The following RCOR3 variants were observed in gnomAD, a reference collection of about 807,000 sequenced individuals.
The protein encoded by RCOR3 is REST corepressor 3.
RCOR3 carries 13 observed loss-of-function variants against 64.1 expected under a neutral mutation model. That is an observed-to-expected ratio of 0.20 (90% confidence interval 0.13 to 0.32). The LOEUF is 0.32. Ranked by LOEUF, RCOR3 falls within the 10% of genes least tolerant of loss-of-function variation. The pLI is 1.00. For synonymous variants in RCOR3, 215 were observed against 239.0 expected, an observed-to-expected ratio of 0.90 and a Z score of 0.93; for missense variants, 489 against 701.2, an observed-to-expected ratio of 0.70 and a Z score of 3.42.
At chr1:211,282,919 C>T (rs1229276269) in intron 7 of RCOR3, among the ~76,000 whole-genome samples, 2 of 152,106 alleles carry the variant, frequency 1.3e-5, no homozygotes, top group African/African-American at 4.8e-5. Flanking sequence ...ATATGATTAT[C>T]ATTTAGTTTC....
intron 7 of RCOR3, among the ~76,000 whole-genome samples, chr1:211,282,620 T>C (rs1187015191): frequency 1.3e-5 from 2 of 151,444 alleles, no homozygotes; most frequent in Non-Finnish European, 2.9e-5. Flanking sequence ...TGCCTCAGCC[T>C]CCCGAGTAGC....
chr1:211,281,849 T>G (rs1187312533), intron 7 of RCOR3, among the ~76,000 whole-genome samples: 2 of 152,166 alleles, frequency 1.3e-5, no homozygotes, highest in Non-Finnish European at 2.9e-5. Context: ...GAGTGGTACT[T>G]GTTTACTCAT....
intron 1 of RCOR3, 48 bp downstream of exon 1, chr1:211,259,774 C>G (rs1693850514): frequency 7.4e-7 from 1 of 1,356,740 alleles, no homozygotes; most frequent in Non-Finnish European, 9.7e-7. Context: ...CCCCCTCCCT[C>G]TTCCCCTCCC....
chr1:211,306,614 A>G (rs1036583197), intron 10 of RCOR3, among the ~76,000 whole-genome samples: 2 of 152,132 alleles, frequency 1.3e-5, no homozygotes, highest in African/African-American at 4.8e-5. Context: ...TTTACTATTA[A>G]ATAAGCTTTT....
chr1:211,302,256 A>G (rs1700454501), intron 9 of RCOR3: 1 of 152,232 alleles, frequency 6.6e-6, no homozygotes, highest in South Asian at 2.1e-4. Context: ...AACACAAACC[A>G]AAATGAAATT....
chr1:211,290,845 A>G (rs190392988), intron 8 of RCOR3, among the ~76,000 whole-genome samples: 2 of 152,300 alleles, frequency 1.3e-5, no homozygotes, highest in Admixed American at 1.3e-4. Flanking sequence ...TTATAAGAAA[A>G]TCATGTTAAG....
At chr1:211,263,581 G>A (rs1694725159) in intron 2 of RCOR3, among the ~76,000 whole-genome samples, 1 of 152,122 alleles carries the variant, frequency 6.6e-6, no homozygotes, top group South Asian at 2.1e-4. Context: ...TTTAAACTTA[G>A]GAGGGCTTTT....
rs745823254 is a variant in RCOR3 at position 211,313,418 on chromosome 1, C to T, written c.1318-6C>T. The T allele has an allele frequency of 6.2e-7, 1 of 1,611,514 alleles. No homozygotes were observed. The highest frequency in any genetic ancestry group is 8.5e-7 in the Non-Finnish European group (1 of 1,178,316). On this transcript the variant is annotated splice_region_variant and splice_polypyrimidine_tract_variant and intron_variant, in intron 11 of 11. Transcript: ENST00000419091. This position sits in a 1 kb window ranked among gnomAD's most constrained non-coding sequence, Gnocchi z 4.7. ...CATACGTGTATTTTTGTTTCCTCAC[C>T]TCTAGGCACAGACCCCACAGGCTCC...
chr1:211,260,239 C>A, intron 2 of RCOR3, 75 bp downstream of exon 2: 1 of 1,306,576 alleles, frequency 7.7e-7, no homozygotes, highest in Admixed American at 1.8e-5. Context: ...GCTAGGAGTC[C>A]GGGCATGGGG....
intron 9 of RCOR3, among the ~76,000 whole-genome samples, chr1:211,299,555 G>A (rs928238212): frequency 3.3e-5 from 5 of 152,078 alleles, no homozygotes; most frequent in African/African-American, 1.2e-4. Flanking sequence ...ATTTAATTTG[G>A]TGACATTTTC....
chr1:211,280,239 C>T (rs550773931), intron 7 of RCOR3, among the ~76,000 whole-genome samples: 2 of 152,322 alleles, frequency 1.3e-5, no homozygotes, highest in South Asian at 4.2e-4. Flanking sequence ...ATAACTTCAT[C>T]CATGTCACAG....
intron 7 of RCOR3, 142 bp downstream of exon 7, chr1:211,279,458 T>C: frequency 1.8e-6 from 1 of 544,858 alleles, no homozygotes; most frequent in East Asian, 3.2e-5. Context: ...AATACAGTCA[T>C]ACCTAGAACC....
intron 3 of RCOR3, among the ~76,000 whole-genome samples, chr1:211,273,791 A>G (rs1468184140): frequency 6.6e-6 from 1 of 152,212 alleles, no homozygotes; most frequent in Non-Finnish European, 1.5e-5. Context: ...TCAATCAAAA[A>G]TGGAATGGTA....
chr1:211,272,528 A>AT (rs888456402), intron 3 of RCOR3, among the ~76,000 whole-genome samples: 22 of 134,228 alleles, frequency 1.6e-4, no homozygotes, highest in Admixed American at 4.6e-4. Context: ...CACTTGGGGA[A>AT]TTTTTTTTTT....
rs764326247 is a variant in RCOR3 at position 211,304,106 on chromosome 1, T to A, written c.1041T>A (p.Arg347=). The change falls in exon 10 of 12, where the codon CGT becomes CGA. Residue 347 remains arginine, a synonymous_variant. Coordinates refer to ENST00000419091, the MANE Select transcript of RCOR3 (RefSeq NM_001136223.3). ...PPESNQKINA[R]WTTEEQLLAV... ...AGTCAAATCAGAAAATTAATGCCCGTTGGACCACAGAGGAGCAGCTTCTAG... is the reference window on the plus strand; with the variant it reads ...AGTCAAATCAGAAAATTAATGCCCGATGGACCACAGAGGAGCAGCTTCTAG... 1.6e-5 allele frequency: 25 copies of A among 1,606,544 alleles called. No individual in the cohort carries two copies. In the East Asian group the frequency reaches 1.8e-4, roughly 12 times the overall value.
chr1:211,297,452 C>T (rs905776222), intron 9 of RCOR3, among the ~76,000 whole-genome samples: 2 of 152,082 alleles, frequency 1.3e-5, no homozygotes, highest in Admixed American at 1.3e-4. Flanking sequence ...CCTGATTGGA[C>T]TTCTATATTA....
chr1:211,310,256 A>G (rs987254717), intron 10 of RCOR3, among the ~76,000 whole-genome samples: 4 of 152,184 alleles, frequency 2.6e-5, no homozygotes, highest in African/African-American at 4.8e-5. Flanking sequence ...TCTTGTCCAA[A>G]TGAGACTGCC....
chr1:211,264,277 G>C (rs575514312), intron 2 of RCOR3, among the ~76,000 whole-genome samples: 2 of 152,304 alleles, frequency 1.3e-5, no homozygotes, highest in African/African-American at 4.8e-5. Flanking sequence ...TTCCTTGGGT[G>C]CTGAGACTGT....
At chr1:211,311,214 G>A (rs533128034) in intron 10 of RCOR3, among the ~76,000 whole-genome samples, 1 of 152,098 alleles carries the variant, frequency 6.6e-6, no homozygotes, top group Non-Finnish European at 1.5e-5. Context: ...CAACCTCATG[G>A]GTTTAAAGGG....
Sources: allele counts gnomAD v4.1 joint callset (sites outside exome capture counted in the v4.1 genomes callset), GRCh38; gene constraint gnomAD v4.1.1; non-coding constraint Gnocchi (gnomAD v3.1); transcripts MANE v1.5; gene names NCBI Gene and HGNC (gene_info 2026-07-23, HGNC 2026-07-21).